Variants in OPRM1 observed in about 807,000 individuals in gnomAD.
OPRM1 encodes opioid receptor mu 1, also known as mu-type opioid receptor.
OPRM1 carries 27 observed loss-of-function variants against 31.8 expected under a neutral mutation model. That is an observed-to-expected ratio of 0.85 (90% CI 0.63 to 1.17). The LOEUF is 1.17. Among genes scored for constraint, OPRM1 ranks in the 50% most tolerant of loss-of-function variants. The pLI, the probability that OPRM1 is intolerant of heterozygous loss-of-function variation, is 0.00. For synonymous variants in OPRM1, 196 were observed against 189.9 expected (o/e 1.03, Z -0.26); for missense variants, 536 against 511.1 (o/e 1.05, Z -0.47).
At chr6:154,093,948 C>T (rs757730769) in intron 3 of OPRM1, among the ~76,000 whole-genome samples, 6 of 152,154 alleles carry the variant, frequency 3.9e-5, no homozygotes, top group Admixed American at 1.3e-4. Context: ...GACTTGATGG[C>T]TGTGTCTATA....
intron 3 of OPRM1, among the ~76,000 whole-genome samples, chr6:154,186,549 T>G (rs1801367257): frequency 6.6e-6 from 1 of 151,220 alleles, no homozygotes; most frequent in African/African-American, 2.4e-5. Flanking sequence ...GCAGCTCCTT[T>G]CTTTCTTTTT....
In OPRM1 at chr6:154,039,670, C is replaced by A. The variant is rs767008453; in HGVS notation, c.126C>A (p.Ser42=). ...TGTCCCACTTAGATGGCAACCTGTC[C>A]GACCCATGCGGTCCGAACCGCACCG... is the stretch of plus-strand genomic sequence containing the variant. ...VNLSHLDGNL[S]DPCGPNRTDL... Residue 42 remains serine (S), a synonymous_variant, in exon 1 of 4, where the codon TCC becomes TCA. Coordinates refer to ENST00000330432, the MANE Select transcript of OPRM1 (RefSeq NM_000914.5). 1.2e-6 allele frequency: 2 copies of A among 1,614,022 alleles called. No homozygotes were observed. Among genetic ancestry groups the A allele is most frequent in the Non-Finnish European group, 1.7e-6 (2 of 1,179,926 alleles).
chr6:154,070,701 A>C (rs1312418280), intron 1 of OPRM1, among the ~76,000 whole-genome samples: 1 of 152,228 alleles, frequency 6.6e-6, no homozygotes, highest in Non-Finnish European at 1.5e-5. Flanking sequence ...TCTCAGATTT[A>C]TATATCCTAA....
At chr6:154,061,172 C>T (rs1784320090) in intron 1 of OPRM1, among the ~76,000 whole-genome samples, 1 of 152,120 alleles carries the variant, frequency 6.6e-6, no homozygotes, top group South Asian at 2.1e-4. Flanking sequence ...CCATCAGAGA[C>T]AAAATCCTTG....
At chr6:154,038,295 G>A (rs1768347275), upstream of OPRM1, among the ~76,000 whole-genome samples, 1 of 151,940 alleles carries the variant, frequency 6.6e-6, no homozygotes, top group Admixed American at 6.6e-5. Flanking sequence ...GTACAGAAAT[G>A]AGAATTACTT....
rs550499281 is a variant in OPRM1, at chr6:154,219,377, A to C, written c.1165-27316A>C. Among the ~76,000 whole-genome samples, 6 of 152,300 alleles carry C rather than the reference A, an allele frequency of 3.9e-5. 1 individual carries two copies. Among genetic ancestry groups the C allele is most frequent in the African/African-American group, 1.4e-4 (6 of 41,560 alleles). On this transcript the variant is annotated intron_variant, in intron 3 of 3. Coordinates refer to the OPRM1 transcript ENST00000337049. The stretch of plus-strand genomic sequence containing the variant: ...ACAGAATGAGTGGGAAGGACGGGCC[A>C]AGGATGGAAGCTGGAGCTACAAGGC...
In OPRM1 at chr6:154,085,361, G is replaced by A. The variant is rs114846611; in HGVS notation, c.291-4465G>A. 3.1e-3 allele frequency among the ~76,000 whole-genome samples: 475 copies of A among 152,240 alleles called. 3 individuals are homozygous for A. The highest frequency in any genetic ancestry group is 0.011 in the African/African-American group (440 of 41,548). The stretch of plus-strand genomic sequence containing the variant: ...AAATCACTCTAATGGGTCAAACATC[G>A]ATGGTTCTCAGAAGAACACAATTTT... On this transcript the variant is annotated intron_variant, in intron 1 of 3. Coordinates refer to ENST00000330432, the MANE Select transcript of OPRM1 (RefSeq NM_000914.5).
At chr6:154,187,219 A>G (rs976557444) in intron 3 of OPRM1, among the ~76,000 whole-genome samples, 7 of 152,114 alleles carry the variant, frequency 4.6e-5, no homozygotes, top group Non-Finnish European at 8.8e-5. Context: ...AGGACTACCA[A>G]TGTAAAATCA....
rs201368636 is a variant in OPRM1 at position 154,039,500 on chromosome 6, C to T, written c.-45C>T. ...GCTTGGAACCCGAAAAGTCTCGGTG[C>T]TCCTGGCTACCTCGCACAGCGGTGC... On this transcript the variant is annotated 5_prime_UTR_variant, in exon 1 of 4. Transcript: ENST00000330432. 8.7e-5 allele frequency: 137 copies of T among 1,575,042 alleles called. No individual in the cohort carries two copies. The South Asian group carries it at 1.1e-3, about 13-fold the overall frequency.
At position 154,190,615 on chromosome 6, in the gene OPRM1, T is replaced by G. The variant is rs550239262; in HGVS notation, c.1165-56078T>G. Among the ~76,000 whole-genome samples, 3 of 152,298 alleles carry G rather than the reference T, an allele frequency of 2.0e-5. No homozygotes were observed. In the East Asian group the frequency reaches 5.8e-4, roughly 29 times the overall value. On this transcript the variant is annotated intron_variant, in intron 3 of 3. Coordinates refer to the OPRM1 transcript ENST00000337049. ...GACAGTTTGGCATCTCTTATACAGT[T>G]AAACATACTCTTACCATACAATCCA...
chr6:154,229,786 C>T (rs1779580686), intron 3 of OPRM1, among the ~76,000 whole-genome samples: 1 of 152,200 alleles, frequency 6.6e-6, no homozygotes, highest in Non-Finnish European at 1.5e-5. Flanking sequence ...GTTATAACAG[C>T]TTTATTCATA....
intron 3 of OPRM1, among the ~76,000 whole-genome samples, chr6:154,154,024 T>A (rs1201905628): frequency 2.0e-5 from 3 of 152,224 alleles, no homozygotes; most frequent in African/African-American, 7.2e-5. Flanking sequence ...TTTTCCTGCT[T>A]CCATGTAGGA....
intron 3 of OPRM1, chr6:154,214,153 T>C (rs1369566469): frequency 9.6e-7 from 1 of 1,039,076 alleles, no homozygotes; most frequent in Non-Finnish European, 1.5e-6. Flanking sequence ...ACATTGTTTT[T>C]TCACCCTGTT....
intron 1 of OPRM1, among the ~76,000 whole-genome samples, chr6:154,089,046 A>G (rs1038974154): frequency 5.9e-5 from 9 of 152,132 alleles, no homozygotes; most frequent in African/African-American, 2.2e-4. Context: ...CCTTTGCCTT[A>G]TGCTCTGTGA....
intron 1 of OPRM1, 75 bp downstream of exon 1, chr6:154,039,909 G>A (rs1779701537): frequency 1.5e-6 from 2 of 1,359,748 alleles, no homozygotes; most frequent in African/African-American, 1.4e-5. Flanking sequence ...TAACTCCCAA[G>A]GCTCAATGTT....
At chr6:154,041,334 A>G (rs1780016484) in intron 1 of OPRM1, among the ~76,000 whole-genome samples, 1 of 152,226 alleles carries the variant, frequency 6.6e-6, no homozygotes, top group African/African-American at 2.4e-5. Context: ...ATTTATTTTT[A>G]AAAACATTTA....
intron 1 of OPRM1, among the ~76,000 whole-genome samples, chr6:154,033,333 A>G (rs1033899948): frequency 2.0e-5 from 3 of 152,238 alleles, no homozygotes; most frequent in Admixed American, 1.3e-4. Context: ...AGTTGAAGGC[A>G]GGCCTTGGGT....
chr6:154,066,596 T>C lies in OPRM1; in HGVS notation c.291-23230T>C, dbSNP rs575595260. Among the ~76,000 whole-genome samples the C allele has an allele frequency of 2.6e-5, 4 of 151,970 alleles. No homozygotes were observed. In the South Asian group the frequency reaches 8.3e-4, roughly 32 times the overall value. ...TGGAGGTAAGGCCTTTAGGAGATAA[T>C]TAAAGTTAAATGAGATCACAATGAT... On this transcript the variant is annotated intron_variant, in intron 1 of 3. Coordinates refer to ENST00000330432, the MANE Select transcript of OPRM1 (RefSeq NM_000914.5).
At chr6:154,062,516 T>C (rs1393624077) in intron 1 of OPRM1, among the ~76,000 whole-genome samples, 1 of 152,062 alleles carries the variant, frequency 6.6e-6, no homozygotes, top group Non-Finnish European at 1.5e-5. Context: ...ACAAATGCTA[T>C]TGAGTTTTCC....
Sources: allele counts gnomAD v4.1 joint callset (sites outside exome capture counted in the v4.1 genomes callset), GRCh38; gene constraint gnomAD v4.1.1; transcripts MANE v1.5; gene names NCBI Gene and HGNC (gene_info 2026-07-23, HGNC 2026-07-21).